SASS6: variants seen among roughly 807,000 people sequenced by gnomAD.
SASS6 encodes the protein spindle assembly abnormal protein 6 homolog.
Under a neutral mutation model 94.9 loss-of-function variants are expected in SASS6, and 59 were observed. The observed-to-expected ratio is 0.62, with a 90% CI of 0.50 to 0.77. The LOEUF is 0.77. Among genes scored for constraint, SASS6 ranks in the 30% least tolerant of loss-of-function variants. SASS6 has a pLI of 0.00. For synonymous variants in SASS6, 264 were observed against 270.0 expected (o/e 0.98, Z 0.22); for missense variants, 698 against 734.1 (o/e 0.95, Z 0.57).
At chr1:100,112,922 A>T (rs142415055) in intron 7 of SASS6, among the ~76,000 whole-genome samples, 4 of 152,190 alleles carry the variant, frequency 2.6e-5, no homozygotes, top group African/African-American at 9.7e-5. Context: ...CACGCACACT[A>T]AAGTTTTACA....
chr1:100,107,991 G>C lies in SASS6; in HGVS notation c.875C>G (p.Thr292Ser). The C allele has an allele frequency of 6.2e-7, 1 of 1,605,032 alleles. No homozygotes were observed. ...TCGCAAAGAGAGGACTTCTTGCTTAGTCCGCTGTAGCTCCTAGAATGGGAA... is the reference window on the plus strand; with the variant it reads ...TCGCAAAGAGAGGACTTCTTGCTTACTCCGCTGTAGCTCCTAGAATGGGAA... ...LSGVEEELQR[T>S]KQEVLSLRRE... The change falls in exon 9 of 17, where the codon ACT (threonine) becomes AGT (serine). Residue 292 changes from threonine to serine, a missense_variant. Physicochemically the swap from Thr to Ser is moderately conservative, Grantham distance 58. Coordinates refer to ENST00000287482, the MANE Select transcript of SASS6 (RefSeq NM_194292.3).
chr1:100,100,466 G>T (rs1004183123), intron 14 of SASS6, among the ~76,000 whole-genome samples: 4 of 152,130 alleles, frequency 2.6e-5, no homozygotes, highest in Admixed American at 2.0e-4. Context: ...CTTGTTCAAT[G>T]AATGAATCTT....
At chr1:100,088,000 C>A in intron 15 of SASS6, 139 bp downstream of exon 15, 2 of 482,542 alleles carry the variant, frequency 4.1e-6, no homozygotes, top group East Asian at 3.1e-5. Context: ...AAGAGTAATT[C>A]AACTTAAATT....
At chr1:100,102,900 A>T in intron 14 of SASS6, 55 bp downstream of exon 14, 1 of 1,358,936 alleles carries the variant, frequency 7.4e-7, no homozygotes, top group Non-Finnish European at 1.0e-6. Flanking sequence ...AAATGTTTGT[A>T]TGCTAATAGG....
chr1:100,130,984 T>C (rs1654962264), intron 1 of SASS6, among the ~76,000 whole-genome samples: 1 of 152,188 alleles, frequency 6.6e-6, no homozygotes, highest in Admixed American at 6.5e-5. Flanking sequence ...TAGGAATATA[T>C]TAAAGGTTTC....
At chr1:100,104,817 G>A (rs956041418) in intron 13 of SASS6, among the ~76,000 whole-genome samples, 4 of 151,056 alleles carry the variant, frequency 2.6e-5, no homozygotes, top group Non-Finnish European at 5.9e-5. Context: ...GCTGGGCACA[G>A]TGGCTCACAG....
At chr1:100,125,222 AGT>A (rs59388922) in intron 2 of SASS6, among the ~76,000 whole-genome samples, 5,381 of 143,072 alleles carry the variant, frequency 0.038, 115 homozygotes, top group South Asian at 0.078. Context: ...ACAAGGCAGC[AGT>A]GTGTGTGTGT....
intron 8 of SASS6, 53 bp from the exon 9 acceptor site, chr1:100,108,057 A>C: frequency 9.4e-7 from 1 of 1,066,626 alleles, no homozygotes; most frequent in Non-Finnish European, 1.4e-6. Context: ...AAGCTGCCTC[A>C]TCTGGTTATT....
chr1:100,104,932 AAC>A (rs1652778660), intron 13 of SASS6, among the ~76,000 whole-genome samples: 1 of 151,710 alleles, frequency 6.6e-6, no homozygotes, highest in Non-Finnish European at 1.5e-5. Flanking sequence ...CAGCCTCGGC[AAC>A]AGAGTGAGGT....
intron 14 of SASS6, chr1:100,099,163 T>C (rs1444699615): frequency 6.6e-6 from 1 of 152,316 alleles, no homozygotes; most frequent in African/African-American, 2.4e-5. Context: ...ACAAAATCTG[T>C]CTCTGAATAC....
intron 14 of SASS6, among the ~76,000 whole-genome samples, chr1:100,089,105 T>A (rs1651506900): frequency 6.6e-6 from 1 of 151,910 alleles, no homozygotes. Context: ...ATTCCAGACA[T>A]AAAATAGTCA....
rs1652620600 is a variant in SASS6 at position 100,103,059 on chromosome 1, T to C, written c.1570A>G (p.Thr524Ala). 1.2e-6 allele frequency: 2 copies of C among 1,603,976 alleles called. No homozygotes were observed. Among genetic ancestry groups the C allele is most frequent in the South Asian group, 1.1e-5 (1 of 90,652 alleles). The change falls in exon 14 of 17, where the codon ACC (threonine) becomes GCC (alanine). Residue 524 changes from threonine to alanine, a missense_variant. By Grantham distance (58) the Thr-to-Ala change is moderately conservative (BLOSUM62 0). Transcript: ENST00000287482. ...NVVDGRLTYPTCGIGYPVSSA... is the reference protein window; with the variant it reads ...NVVDGRLTYPACGIGYPVSSA... ...GAGACAGGATAACCAATCCCACAGGTTGGGTAAGTCAGTCTACCATCAACC... is the reference window on the plus strand; with the variant it reads ...GAGACAGGATAACCAATCCCACAGGCTGGGTAAGTCAGTCTACCATCAACC...
intron 5 of SASS6, 87 bp from the exon 6 acceptor site, chr1:100,120,546 G>A (rs938324932): frequency 1.9e-4 from 123 of 639,472 alleles, no homozygotes; most frequent in Non-Finnish European, 3.1e-4. Context: ...GCATCATCCT[G>A]GAAGCCTGTT....
At chr1:100,104,284 G>C (rs1256362673) in intron 13 of SASS6, among the ~76,000 whole-genome samples, 1 of 152,142 alleles carries the variant, frequency 6.6e-6, no homozygotes, top group African/African-American at 2.4e-5. Flanking sequence ...TCTTGTTTTT[G>C]TATTGACAGA....
intron 13 of SASS6, among the ~76,000 whole-genome samples, chr1:100,105,532 A>C (rs564191071): frequency 1.0e-3 from 153 of 152,224 alleles, no homozygotes; most frequent in Non-Finnish European, 1.8e-3. Context: ...ATCTCAAAAA[A>C]AAAACAAAAC....
intron 5 of SASS6, 56 bp downstream of exon 5, chr1:100,121,322 A>C: frequency 9.6e-7 from 1 of 1,038,852 alleles, no homozygotes; most frequent in Non-Finnish European, 1.4e-6. Context: ...TCAATAATTT[A>C]TCAAAGACCA....
intron 7 of SASS6, among the ~76,000 whole-genome samples, chr1:100,115,092 G>GA (rs1026635892): frequency 6.6e-6 from 1 of 151,168 alleles, no homozygotes; most frequent in Admixed American, 6.6e-5. Flanking sequence ...TTCTGTGCAA[G>GA]AAAAAAAAGG....
intron 2 of SASS6, among the ~76,000 whole-genome samples, chr1:100,125,596 T>C (rs1281530599): frequency 6.6e-6 from 1 of 150,626 alleles, no homozygotes; most frequent in Non-Finnish European, 1.5e-5. Context: ...GGAGAATTGT[T>C]TGAACCCGGG....
At chr1:100,104,514 C>T (rs1206475112) in intron 13 of SASS6, among the ~76,000 whole-genome samples, 2 of 151,898 alleles carry the variant, frequency 1.3e-5, no homozygotes, top group Admixed American at 1.3e-4. Context: ...GGCTGGAGTA[C>T]AGTGGTGCGA....
Sources: gnomAD v4.1 joint callset for allele counts (sites outside exome capture counted in the v4.1 genomes callset) on GRCh38, gnomAD v4.1.1 for gene constraint, MANE v1.5 for transcripts, NCBI Gene and HGNC (gene_info 2026-07-23, HGNC 2026-07-21) for gene names.